ABTB3: variants seen among roughly 807,000 people sequenced by gnomAD.
ABTB3 encodes the protein ankyrin repeat and BTB domain containing 3, also known as ankyrin repeat- and BTB/POZ domain-containing protein 3.
the ABTB3 span, among the ~76,000 whole-genome samples, chr12:107,372,597 G>A: frequency 1.2e-4 from 18 of 152,052 alleles, no homozygotes; most frequent in African/African-American, 3.6e-4. Flanking sequence ...ACAACCATTC[G>A]CCTCTGTGCT....
chr12:107,632,592 A>G, the ABTB3 span, among the ~76,000 whole-genome samples: 18 of 152,336 alleles, frequency 1.2e-4, no homozygotes, highest in Admixed American at 4.6e-4. Context: ...CTGCAGTAAC[A>G]AATGACCATA....
chr12:107,544,729 C>T, the ABTB3 span, among the ~76,000 whole-genome samples: 1 of 152,162 alleles, frequency 6.6e-6, no homozygotes, highest in African/African-American at 2.4e-5. Context: ...CAGTGTCTCA[C>T]GAATCAGGTC....
the ABTB3 span, among the ~76,000 whole-genome samples, chr12:107,427,375 G>A: frequency 2.6e-5 from 4 of 151,856 alleles, no homozygotes; most frequent in Non-Finnish European, 5.9e-5. Flanking sequence ...CTGAATTCCT[G>A]GGCACAAACC....
chr12:107,459,501 G>A, the ABTB3 span, among the ~76,000 whole-genome samples: 1 of 152,212 alleles, frequency 6.6e-6, no homozygotes, highest in African/African-American at 2.4e-5. Flanking sequence ...GGAAAAAAAT[G>A]AAGCAGGGAG....
chr12:107,388,700 C>A, the ABTB3 span, among the ~76,000 whole-genome samples: 2 of 152,338 alleles, frequency 1.3e-5, no homozygotes, highest in Admixed American at 6.5e-5. Context: ...ATCTGCACAG[C>A]ACCAGCAGGT....
At chr12:107,426,871 G>A in the ABTB3 span, among the ~76,000 whole-genome samples, 8 of 151,716 alleles carry the variant, frequency 5.3e-5, no homozygotes, top group African/African-American at 9.7e-5. Context: ...CCTTCCCCAC[G>A]CCCACTGCTA....
At chr12:107,411,417 G>A in the ABTB3 span, among the ~76,000 whole-genome samples, 5 of 152,190 alleles carry the variant, frequency 3.3e-5, no homozygotes, top group African/African-American at 1.2e-4. Context: ...TACTTACCTC[G>A]CTGGGGTATT....
chr12:107,507,253 A>G, the ABTB3 span, among the ~76,000 whole-genome samples: 2 of 152,224 alleles, frequency 1.3e-5, no homozygotes, highest in East Asian at 1.9e-4. Flanking sequence ...AGGCAGAGAT[A>G]AGGAAGAAAC....
At chr12:107,596,715 TC>T in the ABTB3 span, among the ~76,000 whole-genome samples, 1 of 152,190 alleles carries the variant, frequency 6.6e-6, no homozygotes, top group East Asian at 1.9e-4. Context: ...CCTAGAGTTT[TC>T]CCCTCTGCAT....
chr12:107,365,915 C>T, the ABTB3 span, among the ~76,000 whole-genome samples: 21 of 152,314 alleles, frequency 1.4e-4, no homozygotes, highest in Admixed American at 5.9e-4. Context: ...CATCAGAAAC[C>T]GCCTCACACT....
the ABTB3 span, among the ~76,000 whole-genome samples, chr12:107,630,613 A>C: frequency 1.3e-5 from 2 of 152,048 alleles, no homozygotes; most frequent in African/African-American, 4.8e-5. Flanking sequence ...CCAATTAAAA[A>C]AAAAAAAATT....
chr12:107,562,850 A>T, the ABTB3 span, among the ~76,000 whole-genome samples: 1 of 152,212 alleles, frequency 6.6e-6, no homozygotes, highest in Non-Finnish European at 1.5e-5. Flanking sequence ...GAATTAGCAC[A>T]GCCTTGTGAT....
chr12:107,319,937 C>G, the ABTB3 span: 1 of 1,540,268 alleles, frequency 6.5e-7, no homozygotes, highest in East Asian at 2.6e-5. Context: ...CGCCAACCAC[C>G]ACCATCACCA....
chr12:107,327,951 T>C, the ABTB3 span, among the ~76,000 whole-genome samples: 1 of 152,072 alleles, frequency 6.6e-6, no homozygotes, highest in Non-Finnish European at 1.5e-5. Context: ...ATGTCTCTGA[T>C]TGAGGATGAT....
the ABTB3 span, among the ~76,000 whole-genome samples, chr12:107,631,309 C>A: frequency 6.6e-6 from 1 of 152,194 alleles, no homozygotes; most frequent in Admixed American, 6.5e-5. Context: ...GCATAGTAGT[C>A]CGTGGTGTAT....
At chr12:107,601,390 G>T in the ABTB3 span, among the ~76,000 whole-genome samples, 1 of 152,232 alleles carries the variant, frequency 6.6e-6, no homozygotes, top group African/African-American at 2.4e-5. Context: ...CATTGAAGTG[G>T]TGAAAATTGG....
At chr12:107,466,144 T>G in the ABTB3 span, among the ~76,000 whole-genome samples, 1 of 152,072 alleles carries the variant, frequency 6.6e-6, no homozygotes, top group Non-Finnish European at 1.5e-5. Context: ...AGTGAGCTGC[T>G]TGTGGTGGTA....
chr12:107,613,437 G>A, the ABTB3 span, among the ~76,000 whole-genome samples: 6 of 152,008 alleles, frequency 3.9e-5, no homozygotes, highest in Non-Finnish European at 7.4e-5. Flanking sequence ...TGTCCCCCCA[G>A]AAACCCTCCC....
the ABTB3 span, among the ~76,000 whole-genome samples, chr12:107,493,490 G>A: frequency 2.6e-5 from 4 of 152,122 alleles, no homozygotes; most frequent in African/African-American, 7.2e-5. Context: ...CTCAGAGGCC[G>A]GCCCCTCTTT....
Sources: allele counts gnomAD v4.1 joint callset (sites outside exome capture counted in the v4.1 genomes callset), GRCh38; gene constraint gnomAD v4.1.1; transcripts MANE v1.5; gene names NCBI Gene and HGNC (gene_info 2026-07-23, HGNC 2026-07-21).